CATSPERT: variants seen among roughly 807,000 people sequenced by gnomAD.
CATSPERT encodes the protein cation channel sperm-associated targeting subunit tau.
chr2:201,493,235 G>T, the CATSPERT span: 3 of 1,536,492 alleles, frequency 2.0e-6, no homozygotes, highest in South Asian at 3.6e-5. Flanking sequence ...CAAAGCCTCT[G>T]ACCATTTCTT....
the CATSPERT span, chr2:201,582,249 T>C: frequency 6.4e-7 from 1 of 1,564,344 alleles, no homozygotes; most frequent in Non-Finnish European, 8.6e-7. Flanking sequence ...AAAAGAAGCA[T>C]TAAATTTGAG....
the CATSPERT span, chr2:201,554,558 AACTC>A: frequency 6.6e-6 from 1 of 152,122 alleles, no homozygotes; most frequent in South Asian, 2.1e-4. Flanking sequence ...TTTTTTCTCC[AACTC>A]ACTATCAGCC....
chr2:201,515,313 C>A, the CATSPERT span, among the ~76,000 whole-genome samples: 1 of 141,560 alleles, frequency 7.1e-6, no homozygotes, highest in South Asian at 2.3e-4. Flanking sequence ...CGGCTCACTG[C>A]AGCCTCAGTC....
the CATSPERT span, chr2:201,492,862 A>T: frequency 6.5e-7 from 1 of 1,536,624 alleles, no homozygotes; most frequent in East Asian, 2.4e-5. Context: ...TCTTTCTACA[A>T]GGTAATGCTG....
At chr2:201,507,636 G>A in the CATSPERT span, among the ~76,000 whole-genome samples, 9 of 152,170 alleles carry the variant, frequency 5.9e-5, no homozygotes, top group Admixed American at 5.2e-4. Context: ...TACTGAAACA[G>A]CTCATGTACA....
the CATSPERT span, chr2:201,554,789 A>G: frequency 2.6e-5 from 4 of 152,208 alleles, no homozygotes; most frequent in South Asian, 6.2e-4. Flanking sequence ...TTATTCTCTG[A>G]TAAGGAAACA....
the CATSPERT span, among the ~76,000 whole-genome samples, chr2:201,508,398 A>G: frequency 6.6e-6 from 1 of 152,260 alleles, no homozygotes; most frequent in Non-Finnish European, 1.5e-5. Flanking sequence ...TTCAAACTTG[A>G]AGTAATTACA....
chr2:201,526,150 G>A, the CATSPERT span, among the ~76,000 whole-genome samples: 12 of 152,222 alleles, frequency 7.9e-5, no homozygotes, highest in Non-Finnish European at 1.3e-4. Flanking sequence ...AAACCTAGCA[G>A]AGACACAACA....
the CATSPERT span, among the ~76,000 whole-genome samples, chr2:201,616,517 C>T: frequency 6.6e-6 from 1 of 152,178 alleles, no homozygotes; most frequent in African/African-American, 2.4e-5. Context: ...GCCCTTCATG[C>T]TAAAAACTCT....
chr2:201,495,979 AAAG>A, the CATSPERT span: 20 of 1,529,368 alleles, frequency 1.3e-5, no homozygotes, highest in Non-Finnish European at 1.8e-5. Context: ...CCTTATAAAA[AAAG>A]AAGTTCTAAT....
chr2:201,494,818 A>G, the CATSPERT span: 1 of 1,422,302 alleles, frequency 7.0e-7, no homozygotes, highest in Non-Finnish European at 9.2e-7. Flanking sequence ...TTTATCATAT[A>G]TTTTCTAGTT....
chr2:201,604,188 T>C, the CATSPERT span, among the ~76,000 whole-genome samples: 18 of 150,588 alleles, frequency 1.2e-4, no homozygotes, highest in African/African-American at 4.4e-4. Context: ...AGGGGGGTGT[T>C]TGCTTTTGTT....
At chr2:201,607,332 TG>T in the CATSPERT span, among the ~76,000 whole-genome samples, 1 of 152,196 alleles carries the variant, frequency 6.6e-6, no homozygotes, top group Non-Finnish European at 1.5e-5. Context: ...ACCTATTTTA[TG>T]GGGCTCTTGT....
the CATSPERT span, among the ~76,000 whole-genome samples, chr2:201,617,832 A>C: frequency 5.9e-5 from 9 of 152,350 alleles, no homozygotes; most frequent in South Asian, 6.2e-4. Context: ...TAATATCCAG[A>C]ATCTACAAAG....
chr2:201,522,852 T>C, the CATSPERT span, among the ~76,000 whole-genome samples: 2 of 152,210 alleles, frequency 1.3e-5, no homozygotes, highest in Non-Finnish European at 2.9e-5. Flanking sequence ...CAGGGGTATC[T>C]TGCCTGTGAG....
At chr2:201,529,577 C>G in the CATSPERT span, among the ~76,000 whole-genome samples, 1 of 152,050 alleles carries the variant, frequency 6.6e-6, no homozygotes. Flanking sequence ...TTATCTCACA[C>G]CATACACAAA....
At chr2:201,560,763 A>G in the CATSPERT span, among the ~76,000 whole-genome samples, 1 of 151,736 alleles carries the variant, frequency 6.6e-6, no homozygotes, top group Non-Finnish European at 1.5e-5. Context: ...ACCAACACCT[A>G]TATTTCAGCC....
chr2:201,604,743 A>G, the CATSPERT span: 1 of 1,355,996 alleles, frequency 7.4e-7, no homozygotes, highest in Admixed American at 2.0e-5. Context: ...AGACAAACAT[A>G]ACTAGATGAA....
the CATSPERT span, among the ~76,000 whole-genome samples, chr2:201,505,943 G>T: frequency 1.4e-4 from 22 of 152,044 alleles, no homozygotes; most frequent in Non-Finnish European, 3.2e-4. Flanking sequence ...AAATTAAAAG[G>T]TTATTTTAAA....
Sources: gnomAD v4.1 joint callset for allele counts (sites outside exome capture counted in the v4.1 genomes callset) on GRCh38, gnomAD v4.1.1 for gene constraint, MANE v1.5 for transcripts, NCBI Gene and HGNC (gene_info 2026-07-23, HGNC 2026-07-21) for gene names.